Variants in NRXN3 observed in about 807,000 individuals in gnomAD.
NRXN3 encodes the protein neurexin 3.
A neutral mutation model predicts 137.6 loss-of-function variants in NRXN3; 32 were observed. The observed-to-expected ratio is 0.23, with a 90% confidence interval of 0.18 to 0.31. NRXN3 has a LOEUF of 0.31. Ranked by LOEUF, NRXN3 falls within the 10% of genes least tolerant of loss-of-function variation. The probability of loss-of-function intolerance (pLI) is 1.00; values close to 1 mark genes in which losing one functional copy is unlikely to be tolerated. For missense variants in NRXN3, 1,574 were observed against 2,062.5 expected (o/e 0.76, Z 4.59); for synonymous variants, 798 against 784.5 (o/e 1.02, Z -0.29).
chr14:79,616,275 C>G (rs2098154710), intron 16 of NRXN3, among the ~76,000 whole-genome samples: 1 of 152,080 alleles, frequency 6.6e-6, no homozygotes, highest in South Asian at 2.1e-4. Flanking sequence ...ATGGGAGCAA[C>G]AGCTGGAGTG....
At chr14:78,921,466 A>T (rs2099270801) in intron 10 of NRXN3, among the ~76,000 whole-genome samples, 1 of 152,242 alleles carries the variant, frequency 6.6e-6, no homozygotes. Flanking sequence ...GTAAACTGGG[A>T]GGAGGAAGGA....
At chr14:78,301,721 A>G (rs1321719512) in intron 4 of NRXN3, among the ~76,000 whole-genome samples, 1 of 152,210 alleles carries the variant, frequency 6.6e-6, no homozygotes, top group Non-Finnish European at 1.5e-5. Context: ...GAAGGGGCTG[A>G]CAAGTTGTTG....
chr14:79,702,614 T>A (rs1386432223), intron 19 of NRXN3, among the ~76,000 whole-genome samples: 2 of 151,872 alleles, frequency 1.3e-5, no homozygotes, highest in Admixed American at 1.3e-4. Flanking sequence ...AGAGGGAGTT[T>A]GTGAGTAGCA....
At chr14:78,766,191 G>T (rs776930386) in intron 8 of NRXN3, among the ~76,000 whole-genome samples, 1 of 152,124 alleles carries the variant, frequency 6.6e-6, no homozygotes, top group Non-Finnish European at 1.5e-5. Flanking sequence ...TATTGCTGTG[G>T]AAACTCTAGT....
intron 19 of NRXN3, among the ~76,000 whole-genome samples, chr14:79,725,961 A>C (rs2098885862): frequency 6.6e-6 from 1 of 152,142 alleles, no homozygotes; most frequent in Admixed American, 6.6e-5. Context: ...AAGCACTTAA[A>C]GAAGCTGTCA....
chr14:78,976,576 A>G (rs2099467259), intron 14 of NRXN3, among the ~76,000 whole-genome samples: 1 of 152,218 alleles, frequency 6.6e-6, no homozygotes, highest in African/African-American at 2.4e-5. Flanking sequence ...ATTTTCTCCG[A>G]AACTGAAGAT....
chr14:79,731,825 T>A (rs2098924459), intron 19 of NRXN3, among the ~76,000 whole-genome samples: 1 of 149,940 alleles, frequency 6.7e-6, no homozygotes, highest in Non-Finnish European at 1.5e-5. Context: ...TATTTTTTAT[T>A]TTTTTTTTTA....
chr14:79,333,293 T>G (rs1346547663), intron 15 of NRXN3, among the ~76,000 whole-genome samples: 1 of 152,132 alleles, frequency 6.6e-6, no homozygotes, highest in Non-Finnish European at 1.5e-5. Context: ...CCACCTCCTC[T>G]CCCTTCAGTG....
chr14:78,425,729 C>G (rs944314573), intron 4 of NRXN3, among the ~76,000 whole-genome samples: 1 of 152,184 alleles, frequency 6.6e-6, no homozygotes, highest in African/African-American at 2.4e-5. Flanking sequence ...CCCCTTCCCC[C>G]ACCCACTCTT....
At chr14:79,399,580 A>G (rs988828505) in intron 15 of NRXN3, among the ~76,000 whole-genome samples, 6 of 152,180 alleles carry the variant, frequency 3.9e-5, no homozygotes, top group African/African-American at 1.4e-4. Flanking sequence ...TTAGATGAGG[A>G]GAAAAAATAA....
At chr14:79,214,222 G>A (rs532641295) in intron 15 of NRXN3, among the ~76,000 whole-genome samples, 18 of 152,336 alleles carry the variant, frequency 1.2e-4, no homozygotes, top group African/African-American at 4.1e-4. Flanking sequence ...GTGGCAGTGA[G>A]GACAATTCTG....
At chr14:79,372,469 TTATTA>T (rs949586290) in intron 15 of NRXN3, among the ~76,000 whole-genome samples, 1 of 152,134 alleles carries the variant, frequency 6.6e-6, no homozygotes, top group African/African-American at 2.4e-5. Context: ...TCTTCTTAAT[TTATTA>T]TATTATATAA....
chr14:78,502,431 G>A (rs2095896530), intron 4 of NRXN3, among the ~76,000 whole-genome samples: 1 of 152,138 alleles, frequency 6.6e-6, no homozygotes, highest in African/African-American at 2.4e-5. Flanking sequence ...CTTCAGGCTG[G>A]CTGCCTCCTG....
chr14:78,908,996 T>G (rs1224568942), intron 10 of NRXN3, among the ~76,000 whole-genome samples: 1 of 152,108 alleles, frequency 6.6e-6, no homozygotes, highest in African/African-American at 2.4e-5. Context: ...CCTAGGTTAT[T>G]AACAGCGGAA....
At chr14:79,743,520 A>T (rs1458801946) in intron 19 of NRXN3, among the ~76,000 whole-genome samples, 1 of 152,056 alleles carries the variant, frequency 6.6e-6, no homozygotes, top group African/African-American at 2.4e-5. Context: ...TTAACCCCCC[A>T]CCCCACAACA....
intron 2 of NRXN3, among the ~76,000 whole-genome samples, chr14:78,267,782 G>T (rs1321479766): frequency 2.6e-5 from 4 of 152,192 alleles, no homozygotes; most frequent in Non-Finnish European, 1.5e-5. Context: ...TCCCCCATTA[G>T]TGCTAAGTAT....
chr14:79,665,633 T>C (rs2098553930), intron 17 of NRXN3, among the ~76,000 whole-genome samples: 1 of 152,132 alleles, frequency 6.6e-6, no homozygotes, highest in Non-Finnish European at 1.5e-5. Flanking sequence ...GTTGTGTTTC[T>C]GTTAGGAATT....
intron 20 of NRXN3, among the ~76,000 whole-genome samples, chr14:79,815,958 T>G (rs1298726151): frequency 6.6e-6 from 1 of 152,182 alleles, no homozygotes; most frequent in Non-Finnish European, 1.5e-5. Context: ...TATTAACTTT[T>G]GAAAATGGCC....
chr14:78,834,563 T>C (rs188961293), intron 10 of NRXN3, among the ~76,000 whole-genome samples: 7 of 152,300 alleles, frequency 4.6e-5, no homozygotes, highest in African/African-American at 1.2e-4. Context: ...CTGGCTTGCG[T>C]GGCCCTTGCA....
Sources: allele counts gnomAD v4.1 joint callset (sites outside exome capture counted in the v4.1 genomes callset), GRCh38; gene constraint gnomAD v4.1.1; transcripts MANE v1.5; gene names NCBI Gene and HGNC (gene_info 2026-07-23, HGNC 2026-07-21).